Variants in ZMAT4 observed in about 807,000 individuals in gnomAD.
ZMAT4 encodes the protein zinc finger matrin-type protein 4.
A neutral mutation model predicts 28.7 loss-of-function variants in ZMAT4; 17 were observed. That is an observed-to-expected ratio of 0.59 (90% CI 0.41 to 0.89). The LOEUF (loss-of-function observed/expected upper bound fraction) is 0.89. ZMAT4 is among the 40% of genes least tolerant of loss of function. The probability of loss-of-function intolerance (pLI) is 0.00; values close to 1 mark genes in which losing one functional copy is unlikely to be tolerated. For missense variants in ZMAT4, 240 were observed against 283.8 expected (o/e 0.85, Z 1.11); for synonymous variants, 117 against 109.2 (o/e 1.07, Z -0.44).
At chr8:40,844,601 A>G (rs942855716) in intron 1 of ZMAT4, among the ~76,000 whole-genome samples, 17 of 151,202 alleles carry the variant, frequency 1.1e-4, no homozygotes, top group African/African-American at 4.1e-4. Flanking sequence ...ATATATGTAT[A>G]TATACTCTTT....
At chr8:40,601,702 AAGAAAAGAAAGAAAGAAAGAAAGAAAGAG>A (rs1423948101) in intron 5 of ZMAT4, among the ~76,000 whole-genome samples, 4 of 30,654 alleles carry the variant, frequency 1.3e-4, no homozygotes, top group Non-Finnish European at 1.5e-4. Context: ...GAAAGAAAGA[AAGAAAAGAAAGAAAGAAAGAAAGAAAGAG>A]AAAGCAGGCA....
At chr8:40,711,215 T>TTTTTTCTGC (rs1489316682) in intron 3 of ZMAT4, among the ~76,000 whole-genome samples, 1 of 152,188 alleles carries the variant, frequency 6.6e-6, no homozygotes, top group Non-Finnish European at 1.5e-5. Flanking sequence ...AATGAAGTAT[T>TTTTTTCTGC]TTTTTCTGCT....
chr8:40,536,297 A>T (rs1351697130), intron 6 of ZMAT4, among the ~76,000 whole-genome samples: 3 of 151,954 alleles, frequency 2.0e-5, no homozygotes, highest in African/African-American at 7.3e-5. Context: ...TTCTCTCTTA[A>T]ATGTCCCATT....
chr8:40,644,291 A>G (rs1002979665), intron 5 of ZMAT4, among the ~76,000 whole-genome samples: 3 of 152,166 alleles, frequency 2.0e-5, no homozygotes, highest in Non-Finnish European at 4.4e-5. Flanking sequence ...GAAAAAAAGG[A>G]CTGGAACTCC....
intron 1 of ZMAT4, among the ~76,000 whole-genome samples, chr8:40,879,584 A>G (rs1163514078): frequency 6.6e-6 from 1 of 152,218 alleles, no homozygotes; most frequent in Non-Finnish European, 1.5e-5. Context: ...CTCACTTCCT[A>G]AAAAGGGGAA....
At position 40,883,417 on chromosome 8, in the gene ZMAT4, G is replaced by C. The variant is rs13267110; in HGVS notation, c.-5+14266C>G. Reference sequence around the variant, plus strand: ...CTCTTCCCGGACTACCTGGAATGTCGAACCCCTCTCCAGGAAGTCTCTTCC... The same window carrying C: ...CTCTTCCCGGACTACCTGGAATGTCCAACCCCTCTCCAGGAAGTCTCTTCC... On this transcript the variant is annotated intron_variant, in intron 1 of 6. Transcript: ENST00000297737. 2.0e-5 allele frequency among the ~76,000 whole-genome samples: 3 copies of C among 151,902 alleles called. No homozygotes were observed. The South Asian group carries it at 6.2e-4, about 32-fold the overall frequency.
chr8:40,539,738 G>A (rs1225617720), intron 6 of ZMAT4, among the ~76,000 whole-genome samples: 1 of 152,230 alleles, frequency 6.6e-6, no homozygotes, highest in South Asian at 2.1e-4. Flanking sequence ...AATTTCTGAT[G>A]TAGCTCTTGT....
intron 1 of ZMAT4, among the ~76,000 whole-genome samples, chr8:40,875,659 C>G (rs964423537): frequency 6.6e-6 from 1 of 151,972 alleles, no homozygotes; most frequent in Non-Finnish European, 1.5e-5. Context: ...GCGCTTCAGC[C>G]CCAGGGCACC....
intron 3 of ZMAT4, among the ~76,000 whole-genome samples, chr8:40,746,264 C>CTTT (rs1812217788): frequency 1.5e-5 from 1 of 65,378 alleles, no homozygotes; most frequent in Non-Finnish European, 2.8e-5. Flanking sequence ...TCCCTCCCTC[C>CTTT]CTTCCTTCCT....
At chr8:40,870,272 C>G (rs1248340514) in intron 1 of ZMAT4, among the ~76,000 whole-genome samples, 2 of 152,196 alleles carry the variant, frequency 1.3e-5, no homozygotes, top group African/African-American at 4.8e-5. Context: ...GTGGCCTCCC[C>G]TGGAGGCTCT....
chr8:40,823,998 A>G (rs140682156), intron 2 of ZMAT4, among the ~76,000 whole-genome samples: 17 of 152,316 alleles, frequency 1.1e-4, no homozygotes, highest in African/African-American at 3.8e-4. Context: ...TCACAGGTAC[A>G]ATTTCGATAG....
chr8:40,813,421 A>G (rs970759145), intron 2 of ZMAT4, among the ~76,000 whole-genome samples: 2 of 152,260 alleles, frequency 1.3e-5, no homozygotes, highest in African/African-American at 4.8e-5. Flanking sequence ...CCCTGAGTAC[A>G]GCAAAAGCTG....
intron 5 of ZMAT4, among the ~76,000 whole-genome samples, chr8:40,664,331 A>C (rs1808315936): frequency 6.6e-6 from 1 of 152,156 alleles, no homozygotes; most frequent in African/African-American, 2.4e-5. Context: ...CAGGTGTGTG[A>C]GTGAGCTGCC....
intron 1 of ZMAT4, among the ~76,000 whole-genome samples, chr8:40,881,603 G>GAA (rs755755201): frequency 1.5e-5 from 2 of 135,396 alleles, no homozygotes; most frequent in African/African-American, 2.8e-5. Context: ...AGAAAGAAAA[G>GAA]AAAAGAAAAG....
intron 1 of ZMAT4, among the ~76,000 whole-genome samples, chr8:40,876,486 A>G (rs1402626049): frequency 6.6e-6 from 1 of 151,596 alleles, no homozygotes; most frequent in Non-Finnish European, 1.5e-5. Flanking sequence ...ATACTTTTTT[A>G]AAACATTTTT....
chr8:40,746,258 TCCC>T (rs1812216240), intron 3 of ZMAT4, among the ~76,000 whole-genome samples: 2 of 98,398 alleles, frequency 2.0e-5, no homozygotes, highest in African/African-American at 8.2e-5. Flanking sequence ...CCTCCCTCCC[TCCC>T]TCCCTTCCTT....
intron 1 of ZMAT4, among the ~76,000 whole-genome samples, chr8:40,846,014 T>C (rs1053640987): frequency 2.0e-5 from 3 of 151,922 alleles, no homozygotes; most frequent in Non-Finnish European, 4.4e-5. Flanking sequence ...TCTTTCAAAC[T>C]CCAGAGAGAG....
At chr8:40,877,199 C>T (rs1368309468) in intron 1 of ZMAT4, among the ~76,000 whole-genome samples, 1 of 152,186 alleles carries the variant, frequency 6.6e-6, no homozygotes, top group African/African-American at 2.4e-5. Flanking sequence ...TGGTCAGGGG[C>T]AGATCCTTCC....
chr8:40,756,455 TATAC>T lies in ZMAT4; in HGVS notation c.192+11182_192+11185del, dbSNP rs1481484714. 1.4e-3 allele frequency among the ~76,000 whole-genome samples: 169 copies of T among 122,646 alleles called. 13 individuals carry two copies. The highest frequency in any genetic ancestry group is 2.0e-3 in the Non-Finnish European group (112 of 56,730). The allele number at this position is 122,646 out of a possible 152,430, so 80.5% of individuals were successfully genotyped here. A position where few individuals can be genotyped will look rare whatever the true frequency, so the allele number is the denominator to read the frequency against. ...ATATATATATATATATATATATATATATACACACTTGTATACCTGAAAAAGAGAT... is the reference window on the plus strand; with the variant it reads ...ATATATATATATATATATATATATATACACTTGTATACCTGAAAAAGAGAT... On this transcript the variant is annotated intron_variant, in intron 3 of 6. Coordinates refer to ENST00000297737, the MANE Select transcript of ZMAT4 (RefSeq NM_024645.3).
Sources: gnomAD v4.1 joint callset for allele counts (sites outside exome capture counted in the v4.1 genomes callset) on GRCh38, gnomAD v4.1.1 for gene constraint, MANE v1.5 for transcripts, NCBI Gene and HGNC (gene_info 2026-07-23, HGNC 2026-07-21) for gene names.